Variants in SEC24D observed in about 807,000 individuals in gnomAD.
SEC24D encodes protein transport protein Sec24D.
Under a neutral mutation model 116.9 loss-of-function variants are expected in SEC24D, and 69 were observed. That is an observed-to-expected ratio of 0.59 (90% confidence interval 0.49 to 0.72). SEC24D has a LOEUF of 0.72. Among genes scored for constraint, SEC24D ranks in the 30% least tolerant of loss-of-function variants. The pLI, the probability that SEC24D is intolerant of heterozygous loss-of-function variation, is 0.00. For synonymous variants in SEC24D, 405 were observed against 442.8 expected (o/e 0.91, Z 1.07); for missense variants, 1,131 against 1,264.1 (o/e 0.89, Z 1.60).
At chr4:118,783,066 A>G (rs1347256072) in intron 8 of SEC24D, among the ~76,000 whole-genome samples, 3 of 152,182 alleles carry the variant, frequency 2.0e-5, no homozygotes, top group African/African-American at 7.2e-5. Flanking sequence ...TTCCCGGGTG[A>G]GGCGACGCCC....
At position 118,824,669 on chromosome 4, in the gene SEC24D, G is replaced by C; in HGVS notation, c.199C>G (p.His67Asp). The change falls in exon 3 of 23, where the codon CAT becomes GAT. Residue 67 changes from histidine (H) to aspartate (D), a missense_variant. Physicochemically the swap from His to Asp is moderately conservative, Grantham distance 81. Coordinates refer to ENST00000280551, the MANE Select transcript of SEC24D (RefSeq NM_014822.4). ...TGAGCTCCATTCTGACCAAACTGATGGGGTCCAGGAGGTGGGGGACCCGGA... is the reference window on the plus strand; with the variant it reads ...TGAGCTCCATTCTGACCAAACTGATCGGGTCCAGGAGGTGGGGGACCCGGA... Reference protein sequence around the residue: ...LPPGPPPPGPHQFGQNGAHAT... With the variant: ...LPPGPPPPGPDQFGQNGAHAT... 1 of 1,608,618 alleles carries C rather than the reference G, an allele frequency of 6.2e-7. No individual in the cohort carries two copies. Among genetic ancestry groups the C allele is most frequent in the South Asian group, 1.1e-5 (1 of 90,032 alleles).
At chr4:118,738,823 C>T (rs893102705) in intron 18 of SEC24D, among the ~76,000 whole-genome samples, 6 of 152,136 alleles carry the variant, frequency 3.9e-5, no homozygotes, top group East Asian at 1.9e-4. Context: ...CATTAGAGAT[C>T]GTCTCTGTCC....
intron 8 of SEC24D, among the ~76,000 whole-genome samples, chr4:118,783,782 G>C (rs1000074748): frequency 6.6e-6 from 1 of 152,180 alleles, no homozygotes; most frequent in African/African-American, 2.4e-5. Context: ...ATTCCCTTTA[G>C]AGTAGACACC....
chr4:118,749,563 T>C (rs142930787), intron 13 of SEC24D, among the ~76,000 whole-genome samples: 32 of 152,338 alleles, frequency 2.1e-4, no homozygotes, highest in African/African-American at 7.7e-4. Flanking sequence ...GCACAGGGGA[T>C]GAGACTCTCA....
intron 22 of SEC24D, among the ~76,000 whole-genome samples, chr4:118,727,538 G>C (rs1283531153): frequency 6.6e-6 from 1 of 152,024 alleles, no homozygotes; most frequent in Non-Finnish European, 1.5e-5. Flanking sequence ...CTGGGATGAA[G>C]GTGAATCATT....
intron 2 of SEC24D, 33 bp from the exon 3 acceptor site, chr4:118,824,782 T>G: frequency 6.5e-7 from 1 of 1,541,314 alleles, no homozygotes; most frequent in Non-Finnish European, 8.7e-7. Context: ...TAGAAGTGTA[T>G]TAAAGTACAA....
chr4:118,806,385 G>C (rs1729681345), intron 6 of SEC24D, among the ~76,000 whole-genome samples: 1 of 151,468 alleles, frequency 6.6e-6, no homozygotes, highest in Non-Finnish European at 1.5e-5. Context: ...ACCAAGGCTG[G>C]AGTGCTGTGC....
At chr4:118,828,906 A>G (rs1730707695) in intron 2 of SEC24D, among the ~76,000 whole-genome samples, 1 of 152,160 alleles carries the variant, frequency 6.6e-6, no homozygotes, top group Non-Finnish European at 1.5e-5. Flanking sequence ...GCTATGCCAA[A>G]TGTCTTGCAG....
intron 8 of SEC24D, among the ~76,000 whole-genome samples, chr4:118,783,850 A>G (rs931342915): frequency 8.5e-5 from 13 of 152,244 alleles, no homozygotes; most frequent in African/African-American, 3.1e-4. Context: ...AATTCCTTTC[A>G]GAGTGGAAAA....
intron 9 of SEC24D, among the ~76,000 whole-genome samples, chr4:118,765,549 T>A (rs1297963462): frequency 6.6e-6 from 1 of 152,238 alleles, no homozygotes; most frequent in Non-Finnish European, 1.5e-5. Flanking sequence ...ATGAGTCACA[T>A]ACTGAGCACT....
intron 3 of SEC24D, among the ~76,000 whole-genome samples, chr4:118,818,029 C>T (rs1730225455): frequency 6.6e-6 from 1 of 151,848 alleles, no homozygotes; most frequent in African/African-American, 2.4e-5. Context: ...AGAGCCAGAC[C>T]CTGTCCCAAA....
intron 9 of SEC24D, among the ~76,000 whole-genome samples, chr4:118,767,949 A>G (rs1473624684): frequency 1.3e-5 from 2 of 152,226 alleles, no homozygotes; most frequent in African/African-American, 4.8e-5. Context: ...GAGTTTTTTA[A>G]GAAACATTTC....
At chr4:118,806,267 A>G (rs1729672967) in intron 6 of SEC24D, among the ~76,000 whole-genome samples, 1 of 152,196 alleles carries the variant, frequency 6.6e-6, no homozygotes, top group African/African-American at 2.4e-5. Flanking sequence ...GACCCTTCAG[A>G]GAACTTTATT....
At chr4:118,738,451 A>G in intron 18 of SEC24D, 72 bp from the exon 19 acceptor site, 1 of 1,048,870 alleles carries the variant, frequency 9.5e-7, no homozygotes, top group Non-Finnish European at 1.5e-6. Context: ...ATCAAACAAA[A>G]AAGAACAAGT....
At chr4:118,818,523 C>G (rs955843707) in intron 3 of SEC24D, among the ~76,000 whole-genome samples, 1 of 152,090 alleles carries the variant, frequency 6.6e-6, no homozygotes, top group Non-Finnish European at 1.5e-5. Context: ...TTATTATAAA[C>G]AAAACAGAAA....
At chr4:118,764,960 AAC>A (rs1345969044) in intron 9 of SEC24D, 43 bp from the exon 10 acceptor site, 1 of 1,087,746 alleles carries the variant, frequency 9.2e-7, no homozygotes, top group Non-Finnish European at 1.4e-6. Context: ...TGTTTTCATA[AAC>A]ACAGACAATT....
At chr4:118,828,761 A>G (rs1201093142) in intron 2 of SEC24D, among the ~76,000 whole-genome samples, 1 of 152,218 alleles carries the variant, frequency 6.6e-6, no homozygotes, top group Non-Finnish European at 1.5e-5. Context: ...CTGTACATAC[A>G]TTGGATTGTG....
intron 8 of SEC24D, among the ~76,000 whole-genome samples, chr4:118,787,621 A>G (rs1379372380): frequency 1.3e-5 from 2 of 152,090 alleles, no homozygotes; most frequent in South Asian, 2.1e-4. Context: ...AGACCAGCCT[A>G]GGCAATATAG....
chr4:118,758,565 T>A (rs2110463976), intron 10 of SEC24D: 1 of 152,246 alleles, frequency 6.6e-6, no homozygotes, highest in East Asian at 1.9e-4. Context: ...TAGGAAGTGA[T>A]CCTTCAGTTG....
Sources: gnomAD v4.1 joint callset for allele counts (sites outside exome capture counted in the v4.1 genomes callset) on GRCh38, gnomAD v4.1.1 for gene constraint, MANE v1.5 for transcripts, NCBI Gene and HGNC (gene_info 2026-07-23, HGNC 2026-07-21) for gene names.